TXNDC11: variants seen among roughly 807,000 people sequenced by gnomAD.
The protein encoded by TXNDC11 is thioredoxin domain containing 11, also known as thioredoxin domain-containing protein 11.
Under a neutral mutation model 78.0 loss-of-function variants are expected in TXNDC11, and 68 were observed. The ratio of observed to expected loss-of-function variants is 0.87; its 90% CI spans 0.72 to 1.07. The LOEUF (loss-of-function observed/expected upper bound fraction) is 1.07. Among genes scored for constraint, TXNDC11 ranks in the 50% least tolerant of loss-of-function variants. The pLI is 0.00. For missense variants in TXNDC11, 1,389 were observed against 1,221.8 expected, an observed-to-expected ratio of 1.14 and a Z score of -2.04; for synonymous variants, 571 against 495.2, an observed-to-expected ratio of 1.15 and a Z score of -2.03.
At chr16:11,710,572 A>G (rs1175969932) in intron 5 of TXNDC11, among the ~76,000 whole-genome samples, 1 of 152,222 alleles carries the variant, frequency 6.6e-6, no homozygotes, top group Non-Finnish European at 1.5e-5. Flanking sequence ...GACTAGAGCC[A>G]GGCGCAGTGG....
At chr16:11,687,524 C>G (rs921136480) in intron 10 of TXNDC11, among the ~76,000 whole-genome samples, 13 of 152,306 alleles carry the variant, frequency 8.5e-5, no homozygotes, top group African/African-American at 3.1e-4. Context: ...ATCCCAGGAC[C>G]CACTGGCATT....
At chr16:11,684,069 G>C (rs74008162) in intron 11 of TXNDC11, 96 bp downstream of exon 11, 2 of 876,860 alleles carry the variant, frequency 2.3e-6, no homozygotes, top group African/African-American at 1.7e-5. Flanking sequence ...AACATTTTTT[G>C]AACATAATGA....
rs895688323 is a variant in TXNDC11, at chr16:11,679,539, G to C, written c.2533C>G (p.Leu845Val). ...TGGAGCAGGCTGTGCTGCTCTTCCA[G>C]GGCCCGCTGCTGCTGCCGCAGCCGG... ...EHRLRQQQRA[L>V]EEQHSLLHAH... The change falls in exon 12 of 12, where the codon CTG (leucine) becomes GTG (valine). Residue 845 changes from leucine (L) to valine (V), a missense_variant. Leu to Val is a conservative substitution (Grantham distance 32). Coordinates refer to ENST00000283033, the MANE Select transcript of TXNDC11 (RefSeq NM_015914.7). This position sits in a 1 kb window ranked among gnomAD's most constrained non-coding sequence, Gnocchi z 4.6. The C allele has an allele frequency of 3.1e-6, 5 of 1,613,314 alleles. No individual in the cohort carries two copies. Among genetic ancestry groups the C allele is most frequent in the Non-Finnish European group, 4.2e-6 (5 of 1,180,024 alleles).
chr16:11,739,551 A>G (rs2052331751), intron 1 of TXNDC11, among the ~76,000 whole-genome samples: 1 of 152,096 alleles, frequency 6.6e-6, no homozygotes. Context: ...TGAAACCCCA[A>G]TTTTCCTATG....
chr16:11,681,236 CA>C (rs1363416828), intron 11 of TXNDC11, among the ~76,000 whole-genome samples: 3 of 152,204 alleles, frequency 2.0e-5, no homozygotes, highest in African/African-American at 7.2e-5. Flanking sequence ...CAAGTGGGCC[CA>C]TGGAAGAATA....
At position 11,705,428 on chromosome 16, in the gene TXNDC11, G is replaced by A. The variant is rs940286816; in HGVS notation, c.794-4864C>T. 7.9e-5 allele frequency among the ~76,000 whole-genome samples: 12 copies of A among 152,308 alleles called. No individual in the cohort carries two copies. In the South Asian group the frequency reaches 1.0e-3, roughly 13 times the overall value. ...AGAAGAAACAGACCAAAGAGAGGACGTGATTTAGTAGGACCAAAACACCAC... is the reference window on the plus strand; with the variant it reads ...AGAAGAAACAGACCAAAGAGAGGACATGATTTAGTAGGACCAAAACACCAC... On this transcript the variant is annotated intron_variant, in intron 5 of 11. Transcript: ENST00000283033.
intron 5 of TXNDC11, among the ~76,000 whole-genome samples, chr16:11,704,592 G>A (rs540262601): frequency 6.6e-6 from 1 of 152,304 alleles, no homozygotes; most frequent in East Asian, 1.9e-4. Flanking sequence ...CTGATAAGAA[G>A]TGCTGAGAAG....
chr16:11,707,885 C>A (rs1276158204), intron 5 of TXNDC11, among the ~76,000 whole-genome samples: 1 of 151,934 alleles, frequency 6.6e-6, no homozygotes, highest in Non-Finnish European at 1.5e-5. Context: ...GAGGTCAAGA[C>A]CAGCCTGGGC....
intron 11 of TXNDC11, among the ~76,000 whole-genome samples, chr16:11,680,154 T>A (rs550688023): frequency 1.3e-5 from 2 of 152,178 alleles, no homozygotes; most frequent in Non-Finnish European, 2.9e-5. Flanking sequence ...CCCAGGAGTG[T>A]GTAGGCATGG....
chr16:11,739,087 T>C (rs2052317733), intron 1 of TXNDC11, among the ~76,000 whole-genome samples: 1 of 151,962 alleles, frequency 6.6e-6, no homozygotes, highest in East Asian at 1.9e-4. Context: ...AAAATGTAGG[T>C]CTGACAGTCA....
chr16:11,718,100 C>T (rs774873313), intron 5 of TXNDC11, among the ~76,000 whole-genome samples: 4 of 152,160 alleles, frequency 2.6e-5, no homozygotes, highest in Admixed American at 2.0e-4. Flanking sequence ...GATCTTATAA[C>T]CCAAGCCTCG....
In TXNDC11 at chr16:11,691,779, C is replaced by T. The variant is rs754741108; in HGVS notation, c.1411G>A (p.Ala471Thr). Residue 471 changes from alanine to threonine, a missense_variant, in exon 8 of 12, where the codon GCT becomes ACT. Ala to Thr is a moderately conservative substitution (Grantham distance 58). Transcript: ENST00000283033. ...PQCSFFEMAA[A>T]LDSFYLKEQT... ...TCCTTGAGGTAGAAAGAATCCAGAGCTGCTGCCATTTCAAAAAAGCTGCAC... is the reference window on the plus strand; with the variant it reads ...TCCTTGAGGTAGAAAGAATCCAGAGTTGCTGCCATTTCAAAAAAGCTGCAC... 3.7e-6 allele frequency: 6 copies of T among 1,614,260 alleles called. No individual in the cohort carries two copies. The highest frequency in any genetic ancestry group is 5.1e-6 in the Non-Finnish European group (6 of 1,180,052).
rs747965186 is a variant in TXNDC11 at position 11,730,608 on chromosome 16, C to A, written c.699+37G>T. ...CAATCCAATACAACCCCGTGAAAGG[C>A]CTTGAGTATGGAGGAGGAGATATGA... is the stretch of plus-strand genomic sequence containing the variant. On this transcript the variant is annotated intron_variant, in intron 4 of 11. Transcript: ENST00000283033. 107 of 1,604,558 alleles carry A rather than the reference C, an allele frequency of 6.7e-5. 2 individuals are homozygous for A. The Middle Eastern group carries it at 5.0e-3, about 74-fold the overall frequency.
rs539190396 is a variant in TXNDC11, at chr16:11,698,333, G to A, written c.907-8C>T. On this transcript the variant is annotated splice_region_variant and splice_polypyrimidine_tract_variant and intron_variant, in intron 6 of 11. Coordinates refer to ENST00000283033, the MANE Select transcript of TXNDC11 (RefSeq NM_015914.7). The stretch of plus-strand genomic sequence containing the variant: ...GACCTCCCTGGGGAAGACCTGTGAA[G>A]GACAAAGGCACAGAGGATAAAGGAG... 2 of 1,612,432 alleles carry A rather than the reference G, an allele frequency of 1.2e-6. No individual in the cohort carries two copies. The highest frequency in any genetic ancestry group is 1.7e-5 in the Admixed American group (1 of 60,022).
intron 9 of TXNDC11, 67 bp from the exon 10 acceptor site, chr16:11,688,033 T>C (rs888991689): frequency 1.6e-6 from 2 of 1,259,548 alleles, no homozygotes; most frequent in Non-Finnish European, 2.3e-6. Context: ...TCTTTCCTCA[T>C]TGCTTAGAAT....
intron 1 of TXNDC11, among the ~76,000 whole-genome samples, chr16:11,741,317 G>A (rs2052383830): frequency 6.6e-6 from 1 of 152,168 alleles, no homozygotes; most frequent in African/African-American, 2.4e-5. Flanking sequence ...AAGACCCACT[G>A]TGGATTTGGG....
chr16:11,729,109 G>A (rs1467913886), intron 4 of TXNDC11, among the ~76,000 whole-genome samples: 1 of 152,196 alleles, frequency 6.6e-6, no homozygotes, highest in East Asian at 1.9e-4. Context: ...GGCTCTGGCT[G>A]TAACCCACTG....
Position 11,739,518 on chromosome 16 carries a change from G to A in TXNDC11, c.254+2959C>T, listed in dbSNP as rs139492541. Among the ~76,000 whole-genome samples, 23 of 152,086 alleles carry A rather than the reference G, an allele frequency of 1.5e-4. No individual in the cohort carries two copies. The East Asian group carries it at 4.2e-3, about 28-fold the overall frequency. On this transcript the variant is annotated intron_variant, in intron 1 of 11. Coordinates refer to ENST00000283033, the MANE Select transcript of TXNDC11 (RefSeq NM_015914.7). ...TGAATAGCCACTGCACTCCAGCCGG[G>A]GCAACATAGAAAAAAGGCCTGTTGA...
At chr16:11,704,276 G>T (rs964451091) in intron 5 of TXNDC11, among the ~76,000 whole-genome samples, 1 of 152,146 alleles carries the variant, frequency 6.6e-6, no homozygotes, top group African/African-American at 2.4e-5. Flanking sequence ...AATGAGAACA[G>T]TCAGCTCTTC....
Sources: allele counts gnomAD v4.1 joint callset (sites outside exome capture counted in the v4.1 genomes callset), GRCh38; gene constraint gnomAD v4.1.1; non-coding constraint Gnocchi (gnomAD v3.1); transcripts MANE v1.5; gene names NCBI Gene and HGNC (gene_info 2026-07-23, HGNC 2026-07-21).